The following SPRED2 variants were observed in gnomAD, a reference collection of about 807,000 sequenced individuals.
SPRED2 encodes the protein sprouty related EVH1 domain containing 2.
Under a neutral mutation model 43.0 loss-of-function variants are expected in SPRED2, and 47 were observed. The observed-to-expected ratio is 1.09, with a 90% CI of 0.87 to 1.40. The LOEUF is 1.40. Ranked by LOEUF, SPRED2 falls within the 40% of genes most tolerant of loss-of-function variation. The pLI, the probability that SPRED2 is intolerant of heterozygous loss-of-function variation, is 0.00. For missense variants in SPRED2, 561 were observed against 586.4 expected, an observed-to-expected ratio of 0.96 and a Z score of 0.45; for synonymous variants, 225 against 225.7, an observed-to-expected ratio of 1.00 and a Z score of 0.03.
At chr2:65,342,518 TG>T (rs1242407226) in intron 2 of SPRED2, among the ~76,000 whole-genome samples, 2 of 151,508 alleles carry the variant, frequency 1.3e-5, no homozygotes, top group Non-Finnish European at 2.9e-5. Context: ...TCCCTCAATG[TG>T]TTAAAGGAAA....
At chr2:65,376,993 C>T (rs867567897) in intron 1 of SPRED2, among the ~76,000 whole-genome samples, 2 of 152,146 alleles carry the variant, frequency 1.3e-5, no homozygotes, top group Non-Finnish European at 2.9e-5. Flanking sequence ...AGATTACAGG[C>T]GTGAGCCACC....
At chr2:65,337,961 G>GT (rs1173590005) in intron 2 of SPRED2, among the ~76,000 whole-genome samples, 9 of 152,262 alleles carry the variant, frequency 5.9e-5, no homozygotes, top group South Asian at 2.1e-4. Context: ...AAGAAATGTA[G>GT]TTTTTTTATA....
intron 1 of SPRED2, among the ~76,000 whole-genome samples, chr2:65,391,229 C>CACAA (rs1553425420): frequency 2.0e-5 from 3 of 148,320 alleles, no homozygotes; most frequent in African/African-American, 7.4e-5. Flanking sequence ...CACACACACA[C>CACAA]GAATCATTAA....
Position 65,432,098 on chromosome 2 carries a change from G to A in SPRED2, c.-111C>T, listed in dbSNP as rs550664146. Reference sequence around the variant, plus strand: ...TCCGGAGATCGCCTGATTTGGGGAGGGGGGGCGGCTAGAGATGAAGAGGGC... The same window carrying A: ...TCCGGAGATCGCCTGATTTGGGGAGAGGGGGCGGCTAGAGATGAAGAGGGC... On this transcript the variant is annotated 5_prime_UTR_variant, in exon 1 of 6. Coordinates refer to ENST00000356388, the MANE Select transcript of SPRED2 (RefSeq NM_181784.3). 5.2e-5 allele frequency: 74 copies of A among 1,426,252 alleles called. No individual in the cohort carries two copies. In the South Asian group the frequency reaches 7.8e-4, roughly 15 times the overall value. The allele number at this position is 1,426,252 out of a possible 1,614,324, so 88.3% of individuals were successfully genotyped here.
At chr2:65,394,176 A>C (rs1246775239) in intron 1 of SPRED2, among the ~76,000 whole-genome samples, 2 of 152,246 alleles carry the variant, frequency 1.3e-5, no homozygotes, top group Non-Finnish European at 2.9e-5. Flanking sequence ...AACAATTTAA[A>C]TTCTCATTTC....
chr2:65,352,055 G>A (rs368120580), intron 1 of SPRED2, among the ~76,000 whole-genome samples: 1 of 152,340 alleles, frequency 6.6e-6, no homozygotes, highest in Non-Finnish European at 1.5e-5. Flanking sequence ...TAAGGCCTTT[G>A]TGTTAACCAC....
At position 65,314,089 on chromosome 2, in the gene SPRED2, GA is replaced by G. The variant is rs1558645420; in HGVS notation, c.668del (p.Ile223ThrfsTer3). 1 of 1,613,874 alleles carries G rather than the reference GA, an allele frequency of 6.2e-7. No homozygotes were observed. Among genetic ancestry groups the G allele is most frequent in the Admixed American group, 1.7e-5 (1 of 60,020 alleles). The stretch of plus-strand genomic sequence containing the variant: ...GGTAATCCTCGTACCCCGTCATCCA[GA>G]TCTTCTCCCGGGGGTTGATGCGCAC... The part of the protein sequence containing the change: ...EIVRINPREK[I>X]WMTGYEDYRH... On this transcript the variant is annotated frameshift_variant, in exon 6 of 6. Transcript: ENST00000356388. LOFTEE classifies it high-confidence loss of function.
intron 1 of SPRED2, chr2:65,377,760 T>C: frequency 2.1e-6 from 1 of 467,886 alleles, no homozygotes; most frequent in Non-Finnish European, 4.5e-6. Context: ...GGCAACTCCC[T>C]AGGTAACTGT....
At chr2:65,400,989 A>T (rs1675871318) in intron 1 of SPRED2, among the ~76,000 whole-genome samples, 2 of 151,980 alleles carry the variant, frequency 1.3e-5, no homozygotes, top group Admixed American at 6.6e-5. Flanking sequence ...TTTTTTTGAG[A>T]CAGAGTCTCA....
rs1236199071 is a variant in SPRED2, at chr2:65,409,902, T to C, written c.26+22060A>G. 2.6e-5 allele frequency among the ~76,000 whole-genome samples: 4 copies of C among 151,748 alleles called. No homozygotes were observed. The South Asian group carries it at 6.2e-4, about 24-fold the overall frequency. On this transcript the variant is annotated intron_variant, in intron 1 of 5. Transcript: ENST00000356388. ...AAAATTATCCAGGTGTGGTGGCGCG[T>C]GCCTGTAGTCCCAGCTACTTGGGAG...
At chr2:65,366,468 T>C in intron 1 of SPRED2, 3 of 978,768 alleles carry the variant, frequency 3.1e-6, no homozygotes, top group Admixed American at 2.2e-5. Context: ...ACATACACAC[T>C]GTGGTCCTCT....
At chr2:65,366,043 A>AACAC (rs2104328845) in intron 1 of SPRED2, among the ~76,000 whole-genome samples, 1 of 152,076 alleles carries the variant, frequency 6.6e-6, no homozygotes, top group Admixed American at 6.6e-5. Context: ...CAAACAAACA[A>AACAC]ACAAACAAAC....
intron 1 of SPRED2, among the ~76,000 whole-genome samples, chr2:65,401,937 G>GCGCGCGCGCGCGCGCGCACA (rs776512353): frequency 8.7e-6 from 1 of 114,714 alleles, no homozygotes; most frequent in African/African-American, 3.4e-5. Flanking sequence ...GCGCGCGCGC[G>GCGCGCGCGCGCGCGCGCACA]CACACACACA....
At chr2:65,424,738 G>A (rs945634597) in intron 1 of SPRED2, among the ~76,000 whole-genome samples, 2 of 150,626 alleles carry the variant, frequency 1.3e-5, no homozygotes, top group African/African-American at 2.5e-5. Context: ...ACTGCTTAAG[G>A]CTAGGAGCTG....
At chr2:65,401,930 C>CACGCGCGT (rs1553426587) in intron 1 of SPRED2, among the ~76,000 whole-genome samples, 2 of 101,302 alleles carry the variant, frequency 2.0e-5, no homozygotes, top group Admixed American at 1.0e-4. Flanking sequence ...AATATTAGCG[C>CACGCGCGT]GCGCGCGCAC....
downstream of SPRED2, chr2:65,310,752 C>T (rs768047785): frequency 3.6e-5 from 18 of 504,648 alleles, no homozygotes; most frequent in Non-Finnish European, 4.4e-5. Context: ...TCCTTCGGCA[C>T]AGGAAGCCCT....
At chr2:65,390,034 C>T (rs991377423) in intron 1 of SPRED2, among the ~76,000 whole-genome samples, 4 of 152,168 alleles carry the variant, frequency 2.6e-5, no homozygotes, top group African/African-American at 9.7e-5. Context: ...TGATACACAT[C>T]ACCCCTTTCC....
At chr2:65,344,535 CTGGAA>C in intron 2 of SPRED2, 179 bp downstream of exon 2, 2 of 767,684 alleles carry the variant, frequency 2.6e-6, no homozygotes, top group East Asian at 2.7e-5. Flanking sequence ...AGAGACTTTG[CTGGAA>C]AGGACAGTCA....
chr2:65,386,868 T>TA (rs891617323), intron 1 of SPRED2, among the ~76,000 whole-genome samples: 1 of 151,946 alleles, frequency 6.6e-6, no homozygotes, highest in African/African-American at 2.4e-5. Context: ...AAGTATAATT[T>TA]AAAAAAACAA....
Sources: gnomAD v4.1 joint callset for allele counts (sites outside exome capture counted in the v4.1 genomes callset) on GRCh38, gnomAD v4.1.1 for gene constraint, MANE v1.5 for transcripts, NCBI Gene and HGNC (gene_info 2026-07-23, HGNC 2026-07-21) for gene names.